Variants in TNFSF10 observed in about 807,000 individuals in gnomAD.
TNFSF10 encodes the protein TNF superfamily member 10.
In TNFSF10, 13 loss-of-function variants were observed where a neutral mutation model predicts 29.5. That is an observed-to-expected ratio of 0.44 (90% CI 0.29 to 0.70). The LOEUF (loss-of-function observed/expected upper bound fraction) is 0.70. Among genes scored for constraint, TNFSF10 ranks in the 30% least tolerant of loss-of-function variants. The probability of loss-of-function intolerance (pLI) is 0.13; values close to 1 mark genes in which losing one functional copy is unlikely to be tolerated. For missense variants in TNFSF10, 345 were observed against 330.9 expected, an observed-to-expected ratio of 1.04 and a Z score of -0.33; for synonymous variants, 111 against 112.8, an observed-to-expected ratio of 0.98 and a Z score of 0.10.
At chr3:172,516,832 T>C (rs1713456940) in intron 1 of TNFSF10, among the ~76,000 whole-genome samples, 1 of 152,122 alleles carries the variant, frequency 6.6e-6, no homozygotes, top group South Asian at 2.1e-4. Flanking sequence ...TTCAGAAATA[T>C]GAGAGCATGT....
In TNFSF10 at chr3:172,516,847, C is replaced by T. The variant is rs563044094; in HGVS notation, c.133-1849G>A. Among the ~76,000 whole-genome samples the T allele has an allele frequency of 2.6e-5, 4 of 152,280 alleles. No homozygotes were observed. In the East Asian group the frequency reaches 7.7e-4, roughly 29 times the overall value. ...TTCAGAAATATGAGAGCATGTCTAGCAAACTGTGGGAAAGGATCAAGAAGG... is the reference window on the plus strand; with the variant it reads ...TTCAGAAATATGAGAGCATGTCTAGTAAACTGTGGGAAAGGATCAAGAAGG... On this transcript the variant is annotated intron_variant, in intron 1 of 4. Transcript: ENST00000241261.
chr3:172,519,906 G>A lies in TNFSF10; in HGVS notation c.132+3347C>T, dbSNP rs988287192. On this transcript the variant is annotated intron_variant, in intron 1 of 4. Coordinates refer to ENST00000241261, the MANE Select transcript of TNFSF10 (RefSeq NM_003810.4). ...GCAGGATGCGCTGTGCATGCACAGT[G>A]TACATCACAAGGTGTAGATAGGTTA... is the stretch of plus-strand genomic sequence containing the variant. Among the ~76,000 whole-genome samples, 4 of 152,236 alleles carry A rather than the reference G, an allele frequency of 2.6e-5. No homozygotes were observed. In the South Asian group the frequency reaches 6.2e-4, roughly 24 times the overall value.
At chr3:172,518,714 G>A (rs1322075407) in intron 1 of TNFSF10, among the ~76,000 whole-genome samples, 2 of 152,188 alleles carry the variant, frequency 1.3e-5, no homozygotes, top group African/African-American at 4.8e-5. Flanking sequence ...TCCTTGCAGA[G>A]TGTATCTTCT....
Position 172,506,369 on chromosome 3 carries a change from GT to G in TNFSF10, c.*122del. The stretch of plus-strand genomic sequence containing the variant: ...GCTGCTCTACTCAGATTGCATAGAG[GT>G]TTTTTTGTTTTCTGTTTTCTGTTTG... On this transcript the variant is annotated 3_prime_UTR_variant, in exon 5 of 5. Coordinates refer to ENST00000241261, the MANE Select transcript of TNFSF10 (RefSeq NM_003810.4). The G allele has an allele frequency of 3.1e-6, 4 of 1,273,960 alleles. No homozygotes were observed. The highest frequency in any genetic ancestry group is 5.1e-5 in the East Asian group (2 of 39,442). The allele number at this position is 1,273,960 out of a possible 1,614,324, so 78.9% of individuals were successfully genotyped here.
intron 4 of TNFSF10, among the ~76,000 whole-genome samples, chr3:172,508,673 T>A (rs2108444451): frequency 6.6e-6 from 1 of 152,278 alleles, no homozygotes; most frequent in Middle Eastern, 3.4e-3. Context: ...GCGGATCACC[T>A]GAGGTCGGGA....
At chr3:172,512,944 C>T (rs9682939) in intron 2 of TNFSF10, among the ~76,000 whole-genome samples, 2,366 of 152,124 alleles carry the variant, frequency 0.016, 66 homozygotes, top group African/African-American at 0.054. Context: ...AGGATAATAA[C>T]GATTTATTAT....
In TNFSF10 at chr3:172,515,014, A is replaced by T; in HGVS notation, c.133-16T>A. 1 of 1,613,546 alleles carries T rather than the reference A, an allele frequency of 6.2e-7. No homozygotes were observed. The highest frequency in any genetic ancestry group is 8.5e-7 in the Non-Finnish European group (1 of 1,179,900). Reference sequence around the variant, plus strand: ...TGTCCTGCATCTGGGTTGAGATGGAATATAACACAATATTTTGCATAAGTG... The same window carrying T: ...TGTCCTGCATCTGGGTTGAGATGGATTATAACACAATATTTTGCATAAGTG... On this transcript the variant is annotated splice_polypyrimidine_tract_variant and intron_variant, in intron 1 of 4. Transcript: ENST00000241261.
At chr3:172,521,942 G>A (rs532829356) in intron 1 of TNFSF10, among the ~76,000 whole-genome samples, 1 of 152,136 alleles carries the variant, frequency 6.6e-6, no homozygotes, top group East Asian at 1.9e-4. Context: ...ACTAACACAG[G>A]AACAGAAAAC....
At chr3:172,518,435 A>G (rs1471648053) in intron 1 of TNFSF10, 1 of 1,289,474 alleles carries the variant, frequency 7.8e-7, no homozygotes, top group Admixed American at 2.3e-5. Flanking sequence ...TGCTGCCCAG[A>G]CATTAGTCTC....
Position 172,523,286 on chromosome 3 carries a change from T to A in TNFSF10, c.99A>T (p.Val33=), listed in dbSNP as rs777505415. ...GCTCGTTGGTAAAGTACACGTAAGTTACAGCCACACAGAGAGACTGCAGGA... is the reference window on the plus strand; with the variant it reads ...GCTCGTTGGTAAAGTACACGTAAGTAACAGCCACACAGAGAGACTGCAGGA... ...TVLLQSLCVA[V]TYVYFTNELK... is the part of the protein sequence containing the mutation. Residue 33 remains valine, a synonymous_variant, in exon 1 of 5, where the codon GTA becomes GTT. Transcript: ENST00000241261. The A allele has an allele frequency of 6.2e-7, 1 of 1,613,946 alleles. No homozygotes were observed. Among genetic ancestry groups the A allele is most frequent in the East Asian group, 2.2e-5 (1 of 44,872 alleles).
At chr3:172,516,837 G>T (rs543546087) in intron 1 of TNFSF10, among the ~76,000 whole-genome samples, 70 of 152,336 alleles carry the variant, frequency 4.6e-4, no homozygotes, top group African/African-American at 1.6e-3. Flanking sequence ...AAATATGAGA[G>T]CATGTCTAGC....
Position 172,506,773 on chromosome 3 carries a change from A to G in TNFSF10, c.565T>C (p.Tyr189His), listed in dbSNP as rs553535563. 1 of 1,614,174 alleles carries G rather than the reference A, an allele frequency of 6.2e-7. No individual in the cohort carries two copies. The highest frequency in any genetic ancestry group is 1.3e-5 in the African/African-American group (1 of 75,038). ...KGFYYIYSQT[Y>H]FRFQEEIKEN... The stretch of plus-strand genomic sequence containing the variant: ...TTTATTTCCTCCTGAAATCGAAAGT[A>G]TGTTTGGGAATAGATGTAGTAAAAC... Residue 189 changes from tyrosine (Y) to histidine (H), a missense_variant, in exon 5 of 5, where the codon TAC becomes CAC. Tyr to His is a moderately conservative substitution (Grantham distance 83). Coordinates refer to ENST00000241261, the MANE Select transcript of TNFSF10 (RefSeq NM_003810.4).
Position 172,523,301 on chromosome 3 carries a change from A to C in TNFSF10, c.84T>G (p.Ser28=), listed in dbSNP as rs903730239. The C allele has an allele frequency of 6.2e-7, 1 of 1,613,908 alleles. No homozygotes were observed. The highest frequency in any genetic ancestry group is 8.5e-7 in the Non-Finnish European group (1 of 1,179,906). The stretch of plus-strand genomic sequence containing the variant: ...ACACGTAAGTTACAGCCACACAGAG[A>C]GACTGCAGGAGCACTGTGAAGATCA... ...LIVIFTVLLQ[S]LCVAVTYVYF... Residue 28 remains serine, a synonymous_variant, in exon 1 of 5, where the codon TCT becomes TCG. Coordinates refer to ENST00000241261, the MANE Select transcript of TNFSF10 (RefSeq NM_003810.4).
In TNFSF10 at chr3:172,511,651, C is replaced by A; in HGVS notation, c.279G>T (p.Leu93Phe). ...QLRQLVRKMI[L>F]RTSEETISTV... ...TAGAAATGGTTTCCTCAGAGGTTCTCAAAATCATCTGCAAATATTATTGAA... is the reference window on the plus strand; with the variant it reads ...TAGAAATGGTTTCCTCAGAGGTTCTAAAAATCATCTGCAAATATTATTGAA... The change falls in exon 3 of 5, where the codon TTG becomes TTT. Residue 93 changes from leucine to phenylalanine, a missense_variant. Leu to Phe is a conservative substitution (Grantham distance 22). Coordinates refer to ENST00000241261, the MANE Select transcript of TNFSF10 (RefSeq NM_003810.4). The A allele has an allele frequency of 6.2e-7, 1 of 1,611,748 alleles. No homozygotes were observed. Among genetic ancestry groups the A allele is most frequent in the South Asian group, 1.1e-5 (1 of 90,888 alleles).
chr3:172,517,801 G>A, intron 1 of TNFSF10: 1 of 982,120 alleles, frequency 1.0e-6, no homozygotes, highest in Non-Finnish European at 1.2e-6. Context: ...AAAATAAAAA[G>A]GAAAAAAAGT....
rs1577011270 is a variant in TNFSF10, at chr3:172,511,479, A to T, written c.313+138T>A. The T allele has an allele frequency of 6.5e-6, 4 of 614,880 alleles. No individual in the cohort carries two copies. The East Asian group carries it at 1.3e-4, about 19-fold the overall frequency. The allele number at this position is 614,880 out of a possible 1,614,324, so 38.1% of individuals were successfully genotyped here. ...ATGTAAAGAGGGAAGTAGAATCAAC[A>T]AGTGGCTTGAGATACGGAGCAGCAG... On this transcript the variant is annotated intron_variant, in intron 3 of 4. Transcript: ENST00000241261.
chr3:172,508,266 G>A (rs955055042), intron 4 of TNFSF10, among the ~76,000 whole-genome samples: 12 of 150,390 alleles, frequency 8.0e-5, no homozygotes, highest in African/African-American at 2.9e-4. Flanking sequence ...TTGCACTCCA[G>A]CCTGGGCGAC....
chr3:172,522,487 C>A, intron 1 of TNFSF10: 3 of 1,104,274 alleles, frequency 2.7e-6, no homozygotes, highest in East Asian at 2.4e-5. Flanking sequence ...TACTGTGCAC[C>A]TTTTAAAACC....
At chr3:172,522,574 A>G (rs1230722299) in intron 1 of TNFSF10, 18 of 496,720 alleles carry the variant, frequency 3.6e-5, no homozygotes, top group African/African-American at 1.9e-4. Flanking sequence ...ATTCATGGCT[A>G]CAGTGTAAGC....
Sources: gnomAD v4.1 joint callset for allele counts (sites outside exome capture counted in the v4.1 genomes callset) on GRCh38, gnomAD v4.1.1 for gene constraint, MANE v1.5 for transcripts, NCBI Gene and HGNC (gene_info 2026-07-23, HGNC 2026-07-21) for gene names.